The following RBFOX3 variants were observed in gnomAD, a reference collection of about 807,000 sequenced individuals.
RBFOX3 encodes the protein RNA binding fox-1 homolog 3.
Under a neutral mutation model 48.7 loss-of-function variants are expected in RBFOX3, and 17 were observed. The ratio of observed to expected loss-of-function variants is 0.35; its 90% CI spans 0.24 to 0.52. The LOEUF is 0.52. Ranked by LOEUF, RBFOX3 falls within the 20% of genes least tolerant of loss-of-function variation. The pLI, the probability that RBFOX3 is intolerant of heterozygous loss-of-function variation, is 0.94. For missense variants in RBFOX3, 382 were observed against 497.5 expected, an observed-to-expected ratio of 0.77 and a Z score of 2.21; for synonymous variants, 212 against 209.5, an observed-to-expected ratio of 1.01 and a Z score of -0.10.
intron 2 of RBFOX3, among the ~76,000 whole-genome samples, chr17:79,376,373 A>T (rs1460500080): frequency 6.6e-6 from 1 of 152,102 alleles, no homozygotes; most frequent in Non-Finnish European, 1.5e-5. Context: ...GTGTGGGTGG[A>T]GAGGGAAGGT....
upstream of RBFOX3, among the ~76,000 whole-genome samples, chr17:79,614,186 C>T (rs942532115): frequency 2.0e-5 from 3 of 152,244 alleles, no homozygotes; most frequent in Admixed American, 2.0e-4. Context: ...CCGGGGAAGC[C>T]TGGAGATCCT....
chr17:79,664,298 C>CCGAGTAGCTGGGATTACAGGCA, the RBFOX3 span, among the ~76,000 whole-genome samples: 11 of 152,140 alleles, frequency 7.2e-5, no homozygotes, highest in African/African-American at 2.4e-4. Context: ...CCTCAACCTC[C>CCGAGTAGCTGGGATTACAGGCA]CGAGTAGCTG....
chr17:79,181,994 CACACACAA>C (rs1439420651), intron 4 of RBFOX3, among the ~76,000 whole-genome samples: 99 of 103,300 alleles, frequency 9.6e-4, no homozygotes, highest in Non-Finnish European at 1.8e-3. Context: ...CACACACACA[CACACACAA>C]ACACACAATC....
intron 13 of RBFOX3, 122 bp downstream of exon 13, chr17:79,095,391 C>T (rs1236551915): frequency 3.6e-6 from 3 of 839,664 alleles, no homozygotes; most frequent in Non-Finnish European, 5.6e-6. Flanking sequence ...TGTCCCGACC[C>T]TACTCCCGCC....
intron 4 of RBFOX3, among the ~76,000 whole-genome samples, chr17:79,189,324 C>T (rs565661928): frequency 2.6e-5 from 4 of 152,290 alleles, no homozygotes; most frequent in South Asian, 2.1e-4. Context: ...TTAGAGGCAG[C>T]GTCTGGGCCA....
At chr17:79,485,692 G>A (rs1168459146) in intron 1 of RBFOX3, among the ~76,000 whole-genome samples, 11 of 152,192 alleles carry the variant, frequency 7.2e-5, no homozygotes, top group African/African-American at 1.7e-4. Context: ...GTCTGCAGCC[G>A]CCGGCTTAGA....
intron 2 of RBFOX3, among the ~76,000 whole-genome samples, chr17:79,354,405 G>C (rs1446644560): frequency 6.6e-6 from 1 of 152,240 alleles, no homozygotes; most frequent in African/African-American, 2.4e-5. Flanking sequence ...GGGGAAATTT[G>C]CTCATCAACA....
chr17:79,403,914 G>A (rs2063178628), intron 2 of RBFOX3, among the ~76,000 whole-genome samples: 1 of 151,476 alleles, frequency 6.6e-6, no homozygotes, highest in South Asian at 2.1e-4. Context: ...TGAGTAGCTG[G>A]GACTACAGGC....
chr17:79,139,477 T>C (rs1400995772), intron 4 of RBFOX3, among the ~76,000 whole-genome samples: 3 of 152,252 alleles, frequency 2.0e-5, no homozygotes, highest in Admixed American at 6.5e-5. Flanking sequence ...CACCTTCTCA[T>C]TGGCTCGTGA....
At chr17:79,315,514 C>A (rs767754260) in intron 2 of RBFOX3, among the ~76,000 whole-genome samples, 2 of 152,218 alleles carry the variant, frequency 1.3e-5, no homozygotes, top group South Asian at 4.1e-4. Context: ...AGGGGAAGAG[C>A]GGTGTCTCCC....
intron 4 of RBFOX3, among the ~76,000 whole-genome samples, chr17:79,163,949 CT>C (rs1176543200): frequency 6.6e-6 from 1 of 152,240 alleles, no homozygotes; most frequent in Non-Finnish European, 1.5e-5. Context: ...GTGGGGACCC[CT>C]GCCCCACAGC....
chr17:79,388,475 T>C (rs12451560), intron 2 of RBFOX3, among the ~76,000 whole-genome samples: 63,150 of 152,112 alleles, frequency 0.42, 13,680 homozygotes, highest in Admixed American at 0.5. Flanking sequence ...TGTGTCCAGA[T>C]GCCTTCCCAC....
intron 2 of RBFOX3, among the ~76,000 whole-genome samples, chr17:79,312,922 G>A (rs918970292): frequency 6.6e-6 from 1 of 152,144 alleles, no homozygotes; most frequent in Non-Finnish European, 1.5e-5. Flanking sequence ...GCCACAGTGG[G>A]ACCGAGGGAA....
At chr17:79,379,633 G>A (rs1194114058) in intron 2 of RBFOX3, among the ~76,000 whole-genome samples, 9 of 152,184 alleles carry the variant, frequency 5.9e-5, no homozygotes, top group South Asian at 2.1e-4. Flanking sequence ...AGGGGCCGGC[G>A]TTCCAGGCGG....
rs79272600 is a variant in RBFOX3 at position 79,482,001 on chromosome 17, C to G, written c.-175+453G>C. ...GGCAGTCACCCTCTCGGGGTGGGAA[C>G]AGAGGCATCATGCCGTCCCCTCTAG... On this transcript the variant is annotated intron_variant, in intron 2 of 14. Coordinates refer to ENST00000693108, the MANE Select transcript of RBFOX3 (RefSeq NM_001350451.2). This position sits in a 1 kb window ranked among gnomAD's most constrained non-coding sequence, Gnocchi z 4.1. Among the ~76,000 whole-genome samples, 27,749 of 152,000 alleles carry G rather than the reference C, an allele frequency of 0.18. 2,639 individuals are homozygous for G. The highest frequency in any genetic ancestry group is 0.31 in the East Asian group (1,599 of 5,128).
chr17:79,142,706 C>A (rs1203063929), intron 4 of RBFOX3, among the ~76,000 whole-genome samples: 1 of 152,160 alleles, frequency 6.6e-6, no homozygotes, highest in Non-Finnish European at 1.5e-5. Flanking sequence ...TCTGAACAGG[C>A]CGAGGGCTGC....
At chr17:79,573,644 A>G (rs892861399) in intron 1 of RBFOX3, among the ~76,000 whole-genome samples, 5,402 of 152,084 alleles carry the variant, frequency 0.036, 193 homozygotes, top group East Asian at 0.2. Context: ...GCTGCTGAGA[A>G]CCTCATCTGG....
In RBFOX3 at chr17:79,318,502, A is replaced by G. The variant is rs147576790; in HGVS notation, c.-174-10678T>C. On this transcript the variant is annotated intron_variant, in intron 2 of 14. Transcript: ENST00000693108. ...GCCATACCATAGTGGTGAGGGTTTC[A>G]TGATTTGCCTAATGAGAGGTCTTAC... Among the ~76,000 whole-genome samples, 397 of 152,274 alleles carry G rather than the reference A, an allele frequency of 2.6e-3. 1 individual carries two copies. Among genetic ancestry groups the G allele is most frequent in the Non-Finnish European group, 3.5e-3 (240 of 68,022 alleles).
At position 79,329,493 on chromosome 17, in the gene RBFOX3, A is replaced by C. The variant is rs935719948; in HGVS notation, c.-174-21669T>G. ...ATGGTGTTACGTGGCCACGCCATCA[A>C]CCCAGATCACCCGTGAGAACTTCCT... On this transcript the variant is annotated intron_variant, in intron 2 of 14. Coordinates refer to ENST00000693108, the MANE Select transcript of RBFOX3 (RefSeq NM_001350451.2). Among the ~76,000 whole-genome samples the C allele has an allele frequency of 9.2e-5, 14 of 152,082 alleles. 1 individual carries two copies. The highest frequency in any genetic ancestry group is 2.9e-4 in the African/African-American group (12 of 41,430).
Sources: gnomAD v4.1 joint callset for allele counts (sites outside exome capture counted in the v4.1 genomes callset) on GRCh38, gnomAD v4.1.1 for gene constraint, Gnocchi (gnomAD v3.1) non-coding constraint, MANE v1.5 for transcripts, NCBI Gene and HGNC (gene_info 2026-07-23, HGNC 2026-07-21) for gene names.